Variants in ASTN1 observed in about 807,000 individuals in gnomAD.
ASTN1 encodes astrotactin 1.
A neutral mutation model predicts 140.7 loss-of-function variants in ASTN1; 41 were observed. That is an observed-to-expected ratio of 0.29 (90% CI 0.23 to 0.38). ASTN1 has a LOEUF of 0.38. Among genes scored for constraint, ASTN1 ranks in the 10% least tolerant of loss-of-function variants. The pLI, the probability that ASTN1 is intolerant of heterozygous loss-of-function variation, is 1.00. For missense variants in ASTN1, 1,479 were observed against 1,678.8 expected, an observed-to-expected ratio of 0.88 and a Z score of 2.08; for synonymous variants, 640 against 652.2, an observed-to-expected ratio of 0.98 and a Z score of 0.29.
Position 177,061,166 on chromosome 1 carries a change from G to A in ASTN1, c.383C>T (p.Ala128Val). The change falls in exon 2 of 23, where the codon GCC becomes GTC. Residue 128 changes from alanine (A) to valine (V), a missense_variant. Transcript: ENST00000361833. The stretch of plus-strand genomic sequence containing the variant: ...GGGGTCTTGTCCAGGAAGGCTTGGG[G>A]CACCATCTTGGTGATGAATGTGAAA... ...LLFHIHHQDG[A>V]PSLPGQDPTE... The A allele has an allele frequency of 6.2e-7, 1 of 1,611,480 alleles. No individual in the cohort carries two copies. Among genetic ancestry groups the A allele is most frequent in the South Asian group, 1.1e-5 (1 of 90,452 alleles).
chr1:176,913,734 A>G (rs1670353714), intron 16 of ASTN1, among the ~76,000 whole-genome samples: 1 of 152,376 alleles, frequency 6.6e-6, no homozygotes, highest in South Asian at 2.1e-4. Context: ...TATAGACAGA[A>G]GTGAACAAGG....
intron 14 of ASTN1, among the ~76,000 whole-genome samples, chr1:176,940,316 T>A (rs1671662194): frequency 1.3e-5 from 2 of 152,172 alleles, no homozygotes; most frequent in Admixed American, 1.3e-4. Flanking sequence ...GTCAGACCAC[T>A]ATCCATAACA....
At chr1:177,043,045 C>A (rs1677053330) in intron 2 of ASTN1, among the ~76,000 whole-genome samples, 1 of 152,220 alleles carries the variant, frequency 6.6e-6, no homozygotes, top group Non-Finnish European at 1.5e-5. Context: ...AGGAGGGTCA[C>A]ACTTGTCAGG....
intron 16 of ASTN1, among the ~76,000 whole-genome samples, chr1:176,898,003 A>C (rs1669598127): frequency 6.6e-6 from 1 of 152,116 alleles, no homozygotes; most frequent in Non-Finnish European, 1.5e-5. Context: ...TCCGGAGCTG[A>C]GGGTCCGAGG....
intron 19 of ASTN1, among the ~76,000 whole-genome samples, chr1:176,883,381 T>G (rs1387551740): frequency 1.3e-5 from 2 of 152,054 alleles, no homozygotes; most frequent in African/African-American, 4.8e-5. Flanking sequence ...TACAGGCACA[T>G]GCCGGGGTTT....
At chr1:177,007,077 CT>C (rs1338790890) in intron 8 of ASTN1, among the ~76,000 whole-genome samples, 1 of 152,152 alleles carries the variant, frequency 6.6e-6, no homozygotes, top group Non-Finnish European at 1.5e-5. Context: ...GTTACTTTAC[CT>C]CTCTGGCTCT....
At chr1:177,102,437 C>T (rs1457838642) in intron 1 of ASTN1, among the ~76,000 whole-genome samples, 1 of 152,260 alleles carries the variant, frequency 6.6e-6, no homozygotes, top group Admixed American at 6.5e-5. Context: ...CATTCCATCA[C>T]ACACCTTCCT....
At chr1:176,987,764 G>T (rs1673972503) in intron 8 of ASTN1, among the ~76,000 whole-genome samples, 1 of 152,164 alleles carries the variant, frequency 6.6e-6, no homozygotes, top group Non-Finnish European at 1.5e-5. Flanking sequence ...CCTAATGGCA[G>T]TGAGAGCAGT....
downstream of ASTN1, among the ~76,000 whole-genome samples, chr1:176,857,857 G>A (rs1248058239): frequency 6.6e-6 from 1 of 152,140 alleles, no homozygotes; most frequent in Non-Finnish European, 1.5e-5. Flanking sequence ...TTATCTGTGG[G>A]CACTTAAGTC....
chr1:177,077,841 C>T (rs577716965), intron 1 of ASTN1, among the ~76,000 whole-genome samples: 1 of 152,304 alleles, frequency 6.6e-6, no homozygotes, highest in South Asian at 2.1e-4. Flanking sequence ...GGGCACCTCA[C>T]CCAAGGGCAG....
intron 1 of ASTN1, among the ~76,000 whole-genome samples, chr1:177,126,887 T>C (rs1438525199): frequency 6.6e-6 from 1 of 152,224 alleles, no homozygotes; most frequent in Non-Finnish European, 1.5e-5. Context: ...GGTTCATTGA[T>C]GATCCAGTGC....
intron 16 of ASTN1, among the ~76,000 whole-genome samples, chr1:176,931,212 A>T (rs1671191487): frequency 6.6e-6 from 1 of 152,194 alleles, no homozygotes; most frequent in South Asian, 2.1e-4. Flanking sequence ...CACGCCTGTA[A>T]TCCCAGCACT....
At position 177,080,775 on chromosome 1, in the gene ASTN1, CAG is replaced by C. The variant is rs1679140510; in HGVS notation, c.284-19512_284-19511del. On this transcript the variant is annotated intron_variant, in intron 1 of 22. Coordinates refer to ENST00000361833, the MANE Select transcript of ASTN1 (RefSeq NM_004319.3). ...AAAGAGAATGGGCTTTAGAATCAGA[CAG>C]ACGTGGTTAGACTCCCAACTCTGAC... 2.6e-5 allele frequency among the ~76,000 whole-genome samples: 4 copies of C among 152,136 alleles called. No individual in the cohort carries two copies. The South Asian group carries it at 8.3e-4, about 31-fold the overall frequency.
At chr1:176,896,679 G>A (rs1669519172) in intron 16 of ASTN1, among the ~76,000 whole-genome samples, 1 of 152,142 alleles carries the variant, frequency 6.6e-6, no homozygotes, top group Non-Finnish European at 1.5e-5. Context: ...ATCAAGAACA[G>A]AATAGCAGAG....
intron 21 of ASTN1, among the ~76,000 whole-genome samples, chr1:176,874,378 G>A (rs1205740733): frequency 1.3e-5 from 2 of 152,218 alleles, no homozygotes; most frequent in Non-Finnish European, 1.5e-5. Context: ...AACTTGAACA[G>A]TCTTTTAAAA....
chr1:177,076,062 G>A (rs2102065375), intron 1 of ASTN1, among the ~76,000 whole-genome samples: 1 of 151,942 alleles, frequency 6.6e-6, no homozygotes, highest in East Asian at 2.0e-4. Context: ...GGTGGATCAT[G>A]AGGTCGAAAG....
intron 1 of ASTN1, among the ~76,000 whole-genome samples, chr1:177,122,164 A>T (rs1681424002): frequency 6.6e-6 from 1 of 152,172 alleles, no homozygotes; most frequent in Non-Finnish European, 1.5e-5. Flanking sequence ...ATGAGTTGCA[A>T]TAAGGAAGTA....
chr1:177,156,247 G>T (rs1433985661), intron 1 of ASTN1, among the ~76,000 whole-genome samples: 3 of 149,372 alleles, frequency 2.0e-5, no homozygotes, highest in South Asian at 4.2e-4. Context: ...TCCAGCGTGG[G>T]CAACAAGGTG....
chr1:177,026,502 T>C (rs1232952687), intron 5 of ASTN1, among the ~76,000 whole-genome samples: 1 of 152,124 alleles, frequency 6.6e-6, no homozygotes, highest in Non-Finnish European at 1.5e-5. Flanking sequence ...CCATTAAATC[T>C]TTGTCTCTTT....
Sources: gnomAD v4.1 joint callset for allele counts (sites outside exome capture counted in the v4.1 genomes callset) on GRCh38, gnomAD v4.1.1 for gene constraint, MANE v1.5 for transcripts, NCBI Gene and HGNC (gene_info 2026-07-23, HGNC 2026-07-21) for gene names.